The following PCDHGA2 variants were observed in gnomAD, a reference collection of about 807,000 sequenced individuals.
PCDHGA2 encodes the protein protocadherin gamma-A2.
In PCDHGA2, 40 loss-of-function variants were observed where a neutral mutation model predicts 59.2. That is an observed-to-expected ratio of 0.68 (90% CI 0.52 to 0.88). The LOEUF is 0.88. PCDHGA2 is among the 40% of genes least tolerant of loss of function. The pLI, the probability that PCDHGA2 is intolerant of heterozygous loss-of-function variation, is 0.00. For missense variants in PCDHGA2, 1,226 were observed against 1,204.0 expected, an observed-to-expected ratio of 1.02 and a Z score of -0.27; for synonymous variants, 560 against 526.0, an observed-to-expected ratio of 1.06 and a Z score of -0.89.
In PCDHGA2 at chr5:141,375,320, G is replaced by A. The variant is rs1338614455; in HGVS notation, c.2424+33925G>A. On this transcript the variant is annotated intron_variant, in intron 1 of 3. Coordinates refer to ENST00000394576, the MANE Select transcript of PCDHGA2 (RefSeq NM_018915.4). ...AGTGACAAATGCAGCTCTAGACCGG[G>A]AAGAGGTATTCTTGTACAACATCAC... is the stretch of plus-strand genomic sequence containing the variant. The A allele has an allele frequency of 6.2e-7, 1 of 1,613,688 alleles. No homozygotes were observed. The highest frequency in any genetic ancestry group is 2.2e-5 in the East Asian group (1 of 44,890).
chr5:141,343,056 CT>C (rs986126957), intron 1 of PCDHGA2: 6 of 155,038 alleles, frequency 3.9e-5, no homozygotes, highest in Non-Finnish European at 8.5e-5. Flanking sequence ...GAAGGCCCCC[CT>C]AACCCCCTTG....
In PCDHGA2 at chr5:141,366,106, A is replaced by G. The variant is rs375843095; in HGVS notation, c.2424+24711A>G. On this transcript the variant is annotated intron_variant, in intron 1 of 3. Coordinates refer to ENST00000394576, the MANE Select transcript of PCDHGA2 (RefSeq NM_018915.4). ...CTGGCTACCTGGTGACCAAGGTGGTAGCGGTGGACAAAGATTCAGGCCAGA... is the reference window on the plus strand; with the variant it reads ...CTGGCTACCTGGTGACCAAGGTGGTGGCGGTGGACAAAGATTCAGGCCAGA... 739 of 1,614,224 alleles carry G rather than the reference A, an allele frequency of 4.6e-4. No homozygotes were observed. In the Middle Eastern group the frequency reaches 5.3e-3, roughly 12 times the overall value.
At chr5:141,349,870 T>A (rs1758364599) in intron 1 of PCDHGA2, among the ~76,000 whole-genome samples, 1 of 152,182 alleles carries the variant, frequency 6.6e-6, no homozygotes, top group Non-Finnish European at 1.5e-5. Context: ...TACGAAATGA[T>A]GAAGGCCCTT....
intron 1 of PCDHGA2, among the ~76,000 whole-genome samples, chr5:141,353,332 AAAGTTC>A (rs1759249277): frequency 1.3e-5 from 2 of 152,336 alleles, no homozygotes; most frequent in African/African-American, 4.8e-5. Context: ...CACCCAAGTT[AAAGTTC>A]ATCAATTACA....
At chr5:141,413,648 TC>T in intron 1 of PCDHGA2, 1 of 1,613,820 alleles carries the variant, frequency 6.2e-7, no homozygotes, top group Non-Finnish European at 8.5e-7. Context: ...CGTTTTCCTC[TC>T]CCGGAAGCTA....
Position 141,400,535 on chromosome 5 carries a change from T to C in PCDHGA2, c.2424+59140T>C, listed in dbSNP as rs753705723. 2.5e-6 allele frequency: 4 copies of C among 1,613,958 alleles called. No individual in the cohort carries two copies. In the South Asian group the frequency reaches 4.4e-5, roughly 18 times the overall value. ...TCCCATCCTGAGTTGGTGAGTTTCATTTATGTCTATTCTTTTTCATTACCC... is the reference window on the plus strand; with the variant it reads ...TCCCATCCTGAGTTGGTGAGTTTCACTTATGTCTATTCTTTTTCATTACCC... On this transcript the variant is annotated intron_variant, in intron 1 of 3. Transcript: ENST00000394576.
intron 2 of PCDHGA2, among the ~76,000 whole-genome samples, chr5:141,498,394 A>G (rs1043900807): frequency 6.6e-6 from 1 of 152,096 alleles, no homozygotes; most frequent in Non-Finnish European, 1.5e-5. Flanking sequence ...AGGGAATGGC[A>G]GGGAGTTTTC....
chr5:141,371,268 T>C (rs757493247), intron 1 of PCDHGA2: 1 of 1,614,026 alleles, frequency 6.2e-7, no homozygotes, highest in Non-Finnish European at 8.5e-7. Flanking sequence ...GAGACAACTG[T>C]TCAAGCTGGA....
At chr5:141,440,428 C>A (rs1001845529) in intron 1 of PCDHGA2, 1 of 152,132 alleles carries the variant, frequency 6.6e-6, no homozygotes, top group Non-Finnish European at 1.5e-5. Context: ...GCCTGGGTGA[C>A]AGAGCAAGGC....
rs1187461112 is a variant in PCDHGA2 at position 141,338,838 on chromosome 5, C to T, written c.-134C>T. On this transcript the variant is annotated 5_prime_UTR_variant, in exon 1 of 4. Coordinates refer to ENST00000394576, the MANE Select transcript of PCDHGA2 (RefSeq NM_018915.4). The stretch of plus-strand genomic sequence containing the variant: ...CTTCAGGACACCAAAGAAATTCAGT[C>T]GAACAGCCCACCAGTTCTCTCCATA... 1 of 1,394,352 alleles carries T rather than the reference C, an allele frequency of 7.2e-7. No homozygotes were observed. Among genetic ancestry groups the T allele is most frequent in the African/African-American group, 1.4e-5 (1 of 69,098 alleles). The allele number at this position is 1,394,352 out of a possible 1,614,324, so 86.4% of individuals were successfully genotyped here. A position where few individuals can be genotyped will look rare whatever the true frequency, so the allele number is the denominator to read the frequency against.
intron 1 of PCDHGA2, chr5:141,384,502 C>A: frequency 6.2e-7 from 1 of 1,614,194 alleles, no homozygotes; most frequent in Non-Finnish European, 8.5e-7. Context: ...AGTGACTGCA[C>A]ATGACAGCGG....
intron 1 of PCDHGA2, among the ~76,000 whole-genome samples, chr5:141,402,117 A>G (rs1344939045): frequency 6.6e-6 from 1 of 152,172 alleles, no homozygotes; most frequent in Non-Finnish European, 1.5e-5. Context: ...AAATGTGAAA[A>G]TTTCCAACTT....
At chr5:141,417,718 G>T in intron 1 of PCDHGA2, 1 of 1,304,720 alleles carries the variant, frequency 7.7e-7, no homozygotes. Context: ...GCTCCCGGCT[G>T]CGCAGACCTT....
chr5:141,376,245 A>T (rs554556778), intron 1 of PCDHGA2: 4 of 1,614,180 alleles, frequency 2.5e-6, no homozygotes, highest in African/African-American at 1.3e-5. Context: ...CGCTGGCACA[A>T]GTCACGCCTG....
intron 1 of PCDHGA2, among the ~76,000 whole-genome samples, chr5:141,438,149 A>G (rs1441404688): frequency 6.6e-6 from 1 of 152,220 alleles, no homozygotes; most frequent in African/African-American, 2.4e-5. Context: ...TAGCCAGCCT[A>G]TGGCAAAGCT....
Position 141,366,291 on chromosome 5 carries a change from T to C in PCDHGA2, c.2424+24896T>C, listed in dbSNP as rs768290200. 15 of 1,613,746 alleles carry C rather than the reference T, an allele frequency of 9.3e-6. No individual in the cohort carries two copies. The South Asian group carries it at 1.5e-4, about 17-fold the overall frequency. ...GTCGAAGACCATGGCCAGCCCCCTC[T>C]GTCAGCCACCTTCACGGTCACCGTT... On this transcript the variant is annotated intron_variant, in intron 1 of 3. Transcript: ENST00000394576.
chr5:141,355,378 G>A, intron 1 of PCDHGA2: 1 of 1,614,042 alleles, frequency 6.2e-7, no homozygotes, highest in South Asian at 1.1e-5. Flanking sequence ...CCGGGAGCTG[G>A]CGGAGCGCGG....
chr5:141,487,323 G>A lies in PCDHGA2; in HGVS notation c.2425-7484G>A, dbSNP rs374901235. Reference sequence around the variant, plus strand: ...GTGGCACTACTCTCTAAGTGTCTTCGTGGGGCAGCCTGTGGAGTCACATGC... The same window carrying A: ...GTGGCACTACTCTCTAAGTGTCTTCATGGGGCAGCCTGTGGAGTCACATGC... On this transcript the variant is annotated intron_variant, in intron 1 of 3. Coordinates refer to ENST00000394576, the MANE Select transcript of PCDHGA2 (RefSeq NM_018915.4). The surrounding 1 kb of genome is among the most constrained non-coding windows in gnomAD (Gnocchi z 5.0). 4.0e-5 allele frequency: 65 copies of A among 1,613,982 alleles called. No homozygotes were observed. Among genetic ancestry groups the A allele is most frequent in the Non-Finnish European group, 4.7e-5 (56 of 1,180,012 alleles).
chr5:141,401,655 A>G (rs1011518295), intron 1 of PCDHGA2, among the ~76,000 whole-genome samples: 2 of 152,232 alleles, frequency 1.3e-5, no homozygotes, highest in South Asian at 2.1e-4. Context: ...AAATGACTGG[A>G]TGTTTTCTCA....
Sources: allele counts gnomAD v4.1 joint callset (sites outside exome capture counted in the v4.1 genomes callset), GRCh38; gene constraint gnomAD v4.1.1; non-coding constraint Gnocchi (gnomAD v3.1); transcripts MANE v1.5; gene names NCBI Gene and HGNC (gene_info 2026-07-23, HGNC 2026-07-21).